The following MACROD2 variants were observed in gnomAD, a reference collection of about 807,000 sequenced individuals.
The protein encoded by MACROD2 is ADP-ribose glycohydrolase MACROD2.
A neutral mutation model predicts 70.4 loss-of-function variants in MACROD2; 36 were observed. That is an observed-to-expected ratio of 0.51 (90% CI 0.39 to 0.68). MACROD2 has a LOEUF of 0.68. MACROD2 is among the 30% of genes least tolerant of loss of function. MACROD2 has a pLI of 0.00. For synonymous variants in MACROD2, 172 were observed against 178.8 expected (o/e 0.96, Z 0.30); for missense variants, 496 against 538.4 (o/e 0.92, Z 0.78).
intron 4 of MACROD2, among the ~76,000 whole-genome samples, chr20:14,617,340 T>C (rs764941013): frequency 6.6e-6 from 1 of 152,148 alleles, no homozygotes; most frequent in Non-Finnish European, 1.5e-5. Flanking sequence ...AGGAAACCTC[T>C]TGGAGTAATG....
At chr20:15,899,648 G>A (rs1037339805) in intron 10 of MACROD2, among the ~76,000 whole-genome samples, 1 of 152,128 alleles carries the variant, frequency 6.6e-6, no homozygotes, top group African/African-American at 2.4e-5. Context: ...GGTAACAAAT[G>A]GCACTTTCCA....
chr20:14,179,671 A>T (rs1473527785), intron 3 of MACROD2, among the ~76,000 whole-genome samples: 1 of 152,192 alleles, frequency 6.6e-6, no homozygotes, highest in African/African-American at 2.4e-5. Context: ...ATATGACACA[A>T]ATATGTTGGA....
At chr20:14,115,290 A>G (rs2054500421) in intron 3 of MACROD2, among the ~76,000 whole-genome samples, 2 of 152,204 alleles carry the variant, frequency 1.3e-5, no homozygotes, top group East Asian at 3.8e-4. Context: ...TAGGAAAAAT[A>G]TATAAAACAA....
intron 10 of MACROD2, among the ~76,000 whole-genome samples, chr20:15,928,389 G>T (rs1192845804): frequency 6.6e-6 from 1 of 152,212 alleles, no homozygotes; most frequent in East Asian, 1.9e-4. Context: ...TATTTGTTGT[G>T]TTCAATGTTA....
intron 7 of MACROD2, among the ~76,000 whole-genome samples, chr20:15,472,572 C>T (rs1442160895): frequency 6.6e-6 from 1 of 152,028 alleles, no homozygotes; most frequent in African/African-American, 2.4e-5. Context: ...AATCCCGTTG[C>T]TCATAACTAT....
At chr20:15,661,517 A>G (rs1205973602) in intron 8 of MACROD2, among the ~76,000 whole-genome samples, 1 of 152,200 alleles carries the variant, frequency 6.6e-6, no homozygotes, top group Non-Finnish European at 1.5e-5. Context: ...GTCATTCACT[A>G]CTGTAGAACA....
intron 5 of MACROD2, among the ~76,000 whole-genome samples, chr20:14,940,407 A>G (rs2074380304): frequency 6.6e-6 from 1 of 152,138 alleles, no homozygotes; most frequent in Admixed American, 6.6e-5. Context: ...ATCTTGCCCA[A>G]GTGCTTTGGC....
chr20:15,915,898 TG>T (rs989298932), intron 10 of MACROD2, among the ~76,000 whole-genome samples: 1 of 152,114 alleles, frequency 6.6e-6, no homozygotes, highest in African/African-American at 2.4e-5. Context: ...TAGGGTTTCT[TG>T]GAAGGAAATC....
chr20:14,931,829 T>A (rs1163748012), intron 5 of MACROD2, among the ~76,000 whole-genome samples: 7 of 111,454 alleles, frequency 6.3e-5, no homozygotes, highest in Non-Finnish European at 1.5e-4. Flanking sequence ...AAGACCCCCA[T>A]CTCTTAAAAA....
At chr20:14,988,930 C>T (rs930481483) in intron 5 of MACROD2, among the ~76,000 whole-genome samples, 1 of 151,928 alleles carries the variant, frequency 6.6e-6, no homozygotes, top group East Asian at 1.9e-4. Context: ...TAAAAATATA[C>T]TTTCACATGG....
chr20:14,941,095 T>C (rs140673477), intron 5 of MACROD2, among the ~76,000 whole-genome samples: 34 of 152,264 alleles, frequency 2.2e-4, no homozygotes, highest in African/African-American at 8.2e-4. Flanking sequence ...TGAGGTTTTT[T>C]ATTTCTTCAT....
At chr20:15,053,474 A>G (rs1226587983) in intron 5 of MACROD2, among the ~76,000 whole-genome samples, 1 of 152,190 alleles carries the variant, frequency 6.6e-6, no homozygotes, top group Non-Finnish European at 1.5e-5. Context: ...CCTGCACTCT[A>G]TAAAAGGAAC....
At chr20:15,047,848 A>T (rs1410452792) in intron 5 of MACROD2, among the ~76,000 whole-genome samples, 1 of 152,198 alleles carries the variant, frequency 6.6e-6, no homozygotes, top group African/African-American at 2.4e-5. Context: ...TTCCATTGCC[A>T]CCATGGCTAG....
chr20:14,656,393 A>G (rs1215508464), intron 4 of MACROD2, among the ~76,000 whole-genome samples: 2 of 152,242 alleles, frequency 1.3e-5, no homozygotes, highest in Non-Finnish European at 2.9e-5. Context: ...TCAAAGCACA[A>G]CCTGAACTGT....
chr20:15,295,624 C>CACAT (rs1239811926), intron 6 of MACROD2, among the ~76,000 whole-genome samples: 1 of 151,414 alleles, frequency 6.6e-6, no homozygotes, highest in East Asian at 1.9e-4. Context: ...CACACACACA[C>CACAT]ACACATGCAC....
chr20:15,602,457 T>C (rs2146690938), intron 8 of MACROD2, among the ~76,000 whole-genome samples: 1 of 152,254 alleles, frequency 6.6e-6, no homozygotes, highest in African/African-American at 2.4e-5. Context: ...GCTTCCTCAT[T>C]ATCTTTCTGC....
chr20:15,659,304 CTTTTTTTTTTTTTTTTT>C (rs11468344), intron 8 of MACROD2, among the ~76,000 whole-genome samples: 4 of 67,268 alleles, frequency 5.9e-5, no homozygotes, highest in South Asian at 8.3e-4. Flanking sequence ...GATAGCACAG[CTTTTTTTTTTTTTTTTT>C]TTTTTTTTTT....
At chr20:15,354,939 A>G (rs66927103) in intron 6 of MACROD2, among the ~76,000 whole-genome samples, 37,825 of 152,164 alleles carry the variant, frequency 0.25, 4,722 homozygotes, top group Middle Eastern at 0.33. Flanking sequence ...TTTGTACTTT[A>G]GGTGCATGAT....
At chr20:14,788,497 G>T (rs2072402529) in intron 5 of MACROD2, among the ~76,000 whole-genome samples, 1 of 149,230 alleles carries the variant, frequency 6.7e-6, no homozygotes, top group South Asian at 2.1e-4. Context: ...AAGGTGGGAG[G>T]ATCATCAGAG....
Sources: gnomAD v4.1 joint callset for allele counts (sites outside exome capture counted in the v4.1 genomes callset) on GRCh38, gnomAD v4.1.1 for gene constraint, MANE v1.5 for transcripts, NCBI Gene and HGNC (gene_info 2026-07-23, HGNC 2026-07-21) for gene names.